Variants in INSYN2B observed in about 807,000 individuals in gnomAD.
INSYN2B encodes protein INSYN2B.
A neutral mutation model predicts 41.2 loss-of-function variants in INSYN2B; 16 were observed. The ratio of observed to expected loss-of-function variants is 0.39; its 90% confidence interval spans 0.26 to 0.59. The LOEUF (loss-of-function observed/expected upper bound fraction) is 0.59. INSYN2B is among the 20% of genes least tolerant of loss of function. The pLI, the probability that INSYN2B is intolerant of heterozygous loss-of-function variation, is 0.57. For missense variants in INSYN2B, 608 were observed against 646.4 expected (o/e 0.94, Z 0.64); for synonymous variants, 245 against 244.4 (o/e 1.00, Z -0.02).
chr5:169,932,269 AC>A (rs1775792262), intron 1 of INSYN2B, among the ~76,000 whole-genome samples: 1 of 152,214 alleles, frequency 6.6e-6, no homozygotes, highest in Non-Finnish European at 1.5e-5. Context: ...AGGAAGGAGC[AC>A]TGAGTGAGGG....
chr5:169,867,839 T>C (rs1002142733), intron 3 of INSYN2B, among the ~76,000 whole-genome samples: 1 of 152,130 alleles, frequency 6.6e-6, no homozygotes, highest in African/African-American at 2.4e-5. Flanking sequence ...TTCTCCCCAG[T>C]GGAAACTGGA....
At chr5:169,914,422 C>T (rs536874079) in intron 1 of INSYN2B, among the ~76,000 whole-genome samples, 5 of 152,322 alleles carry the variant, frequency 3.3e-5, no homozygotes, top group African/African-American at 1.2e-4. Flanking sequence ...TGGGGAATAT[C>T]CGTGAACCAG....
In INSYN2B at chr5:169,943,080, G is replaced by A. The variant is rs151104997; in HGVS notation, c.-919+37197C>T. Among the ~76,000 whole-genome samples, 36 of 152,240 alleles carry A rather than the reference G, an allele frequency of 2.4e-4. No individual in the cohort carries two copies. In the East Asian group the frequency reaches 4.8e-3, roughly 20 times the overall value. On this transcript the variant is annotated intron_variant, in intron 1 of 3. Transcript: ENST00000377365. The stretch of plus-strand genomic sequence containing the variant: ...GGAGGAACCTGCAGGTCTTTGGAAC[G>A]CTCTGCAGCTTCTCTATTCCATTCA...
At chr5:169,936,153 C>T (rs1006238724) in intron 1 of INSYN2B, among the ~76,000 whole-genome samples, 1 of 152,134 alleles carries the variant, frequency 6.6e-6, no homozygotes, top group Non-Finnish European at 1.5e-5. Flanking sequence ...AGATGGAGAA[C>T]AAAATCAACA....
At chr5:169,914,820 T>G (rs1408402903) in intron 1 of INSYN2B, among the ~76,000 whole-genome samples, 1 of 152,234 alleles carries the variant, frequency 6.6e-6, no homozygotes, top group Non-Finnish European at 1.5e-5. Context: ...CATGATCTGT[T>G]GACCTCTATA....
chr5:169,906,487 TTA>T (rs2113603680), intron 1 of INSYN2B, among the ~76,000 whole-genome samples: 1 of 151,814 alleles, frequency 6.6e-6, no homozygotes, highest in South Asian at 2.1e-4. Context: ...TTTTGTTACG[TTA>T]TGTTATGTTA....
chr5:169,880,795 A>C (rs186078437), intron 3 of INSYN2B, among the ~76,000 whole-genome samples: 13 of 152,340 alleles, frequency 8.5e-5, no homozygotes, highest in Admixed American at 5.9e-4. Context: ...CCAAGTTTAC[A>C]CTGTATATCA....
Position 169,883,265 on chromosome 5 carries a change from G to T in INSYN2B, c.634C>A (p.Pro212Thr). The change falls in exon 2 of 4, where the codon CCT (proline) becomes ACT (threonine). Residue 212 changes from proline to threonine, a missense_variant. Coordinates refer to ENST00000377365, the MANE Select transcript of INSYN2B (RefSeq NM_001129891.3). ...IQVPDDIYHS[P>T]SWEARESALS... ...GCAGACTCTCTAGCTTCCCAGGAAG[G>T]ACTGTGATAAATATCATCTGGAACC... The T allele has an allele frequency of 6.4e-7, 1 of 1,551,602 alleles. No individual in the cohort carries two copies. Among genetic ancestry groups the T allele is most frequent in the Non-Finnish European group, 8.7e-7 (1 of 1,146,962 alleles).
In INSYN2B at chr5:169,938,354, G is replaced by A. The variant is rs114985219; in HGVS notation, c.-919+41923C>T. Among the ~76,000 whole-genome samples the A allele has an allele frequency of 6.0e-3, 916 of 151,972 alleles. 10 individuals are homozygous for A. Among genetic ancestry groups the A allele is most frequent in the African/African-American group, 0.02 (839 of 41,442 alleles). On this transcript the variant is annotated intron_variant, in intron 1 of 3. Coordinates refer to ENST00000377365, the MANE Select transcript of INSYN2B (RefSeq NM_001129891.3). ...CATCATTAGGCAATTTTCTCATTGT[G>A]TGAACATCAGAGTGTACTCACACGA... is the stretch of plus-strand genomic sequence containing the variant.
At chr5:169,925,260 C>G (rs1276339188) in intron 1 of INSYN2B, among the ~76,000 whole-genome samples, 1 of 152,164 alleles carries the variant, frequency 6.6e-6, no homozygotes, top group Admixed American at 6.5e-5. Flanking sequence ...AGAAGTCAAA[C>G]CTGCCTTGAG....
chr5:169,885,934 G>A (rs1772945044), intron 1 of INSYN2B, among the ~76,000 whole-genome samples: 2 of 152,118 alleles, frequency 1.3e-5, no homozygotes, highest in Admixed American at 1.3e-4. Flanking sequence ...AGCTTAGAGA[G>A]GGTAAGTACT....
chr5:169,861,932 T>A lies in INSYN2B; in HGVS notation c.*2341A>T, dbSNP rs1325997017. Reference sequence around the variant, plus strand: ...TTTTATTTATTTTTTTCTTTTCTTTTCTTTTCTTTTTTTTTTGTTGGGGAA... The same window carrying A: ...TTTTATTTATTTTTTTCTTTTCTTTACTTTTCTTTTTTTTTTGTTGGGGAA... On this transcript the variant is annotated 3_prime_UTR_variant, in exon 4 of 4. Coordinates refer to ENST00000377365, the MANE Select transcript of INSYN2B (RefSeq NM_001129891.3). 7.6e-6 allele frequency among the ~76,000 whole-genome samples: 1 copy of A among 130,866 alleles called. No individual in the cohort carries two copies. Among genetic ancestry groups the A allele is most frequent in the East Asian group, 2.0e-4 (1 of 4,978 alleles). 85.9% of individuals were successfully genotyped at this position (130,866 alleles called of 152,430 possible).
intron 1 of INSYN2B, among the ~76,000 whole-genome samples, chr5:169,976,707 C>T (rs556029316): frequency 2.4e-4 from 37 of 151,856 alleles, no homozygotes; most frequent in East Asian, 1.2e-3. Flanking sequence ...GGCCCCTCTT[C>T]GAGCCTTGAT....
chr5:169,975,863 C>T (rs1777700318), intron 1 of INSYN2B, among the ~76,000 whole-genome samples: 1 of 152,194 alleles, frequency 6.6e-6, no homozygotes, highest in Non-Finnish European at 1.5e-5. Flanking sequence ...TCCCCAGCAT[C>T]TAAAACCATG....
chr5:169,913,709 C>T (rs1774725412), intron 1 of INSYN2B, among the ~76,000 whole-genome samples: 1 of 100,620 alleles, frequency 9.9e-6, no homozygotes, highest in Non-Finnish European at 1.9e-5. Context: ...TCTTACCACG[C>T]CCTCTGCCTG....
At chr5:169,979,249 G>A (rs1303357627) in intron 1 of INSYN2B, among the ~76,000 whole-genome samples, 1 of 152,174 alleles carries the variant, frequency 6.6e-6, no homozygotes, top group African/African-American at 2.4e-5. Context: ...CAACGTCAGT[G>A]TTAGGGCTGT....
rs905987378 is a variant in INSYN2B, at chr5:169,862,514, A to AG, written c.*1758_*1759insC. 1.3e-5 allele frequency among the ~76,000 whole-genome samples: 2 copies of AG among 152,144 alleles called. No individual in the cohort carries two copies. Among genetic ancestry groups the AG allele is most frequent in the African/African-American group, 4.8e-5 (2 of 41,414 alleles). On this transcript the variant is annotated 3_prime_UTR_variant, in exon 4 of 4. Coordinates refer to ENST00000377365, the MANE Select transcript of INSYN2B (RefSeq NM_001129891.3). ...TGATCGTATGGATACAGGAAAAAAA[A>AG]AATCTGTGGCTTTTAGCCAGTGGTA... is the stretch of plus-strand genomic sequence containing the variant.
chr5:169,890,716 A>G (rs1178728537), intron 1 of INSYN2B, among the ~76,000 whole-genome samples: 1 of 152,146 alleles, frequency 6.6e-6, no homozygotes, highest in Non-Finnish European at 1.5e-5. Context: ...AGACTTATAT[A>G]TTTGGGACCC....
intron 1 of INSYN2B, among the ~76,000 whole-genome samples, chr5:169,947,399 G>C (rs1043774743): frequency 6.6e-6 from 1 of 152,214 alleles, no homozygotes; most frequent in Non-Finnish European, 1.5e-5. Context: ...TGGGCTGCAT[G>C]CTTTCTCATC....
Sources: gnomAD v4.1 joint callset for allele counts (sites outside exome capture counted in the v4.1 genomes callset) on GRCh38, gnomAD v4.1.1 for gene constraint, MANE v1.5 for transcripts, NCBI Gene and HGNC (gene_info 2026-07-23, HGNC 2026-07-21) for gene names.